The following ADAM32 variants were observed in gnomAD, a reference collection of about 807,000 sequenced individuals.
The protein encoded by ADAM32 is ADAM metallopeptidase domain 32, also known as disintegrin and metalloproteinase domain-containing protein 32.
Under a neutral mutation model 114.9 loss-of-function variants are expected in ADAM32, and 89 were observed. The observed-to-expected ratio is 0.77, with a 90% CI of 0.65 to 0.92. The LOEUF is 0.92. Ranked by LOEUF, ADAM32 falls within the 40% of genes least tolerant of loss-of-function variation. The probability of loss-of-function intolerance (pLI) is 0.00; values close to 1 mark genes in which losing one functional copy is unlikely to be tolerated. For synonymous variants in ADAM32, 285 were observed against 307.5 expected (o/e 0.93, Z 0.77); for missense variants, 870 against 932.8 (o/e 0.93, Z 0.88).
At chr8:39,178,132 C>T (rs978837323) in intron 10 of ADAM32, among the ~76,000 whole-genome samples, 1 of 152,132 alleles carries the variant, frequency 6.6e-6, no homozygotes, top group Non-Finnish European at 1.5e-5. Context: ...CTGTTCTCCC[C>T]ATCTCTTTCA....
chr8:39,201,552 A>G (rs1354059508), intron 11 of ADAM32, among the ~76,000 whole-genome samples: 3 of 152,208 alleles, frequency 2.0e-5, no homozygotes, highest in Admixed American at 6.5e-5. Flanking sequence ...TTTTCTAGAT[A>G]TACAATCACG....
At chr8:39,210,147 C>T (rs1808112534) in intron 11 of ADAM32, among the ~76,000 whole-genome samples, 1 of 152,148 alleles carries the variant, frequency 6.6e-6, no homozygotes, top group African/African-American at 2.4e-5. Context: ...TGGGCACCAG[C>T]CTGGAATCAG....
chr8:39,218,991 C>G (rs528085301), intron 12 of ADAM32, among the ~76,000 whole-genome samples: 1 of 152,042 alleles, frequency 6.6e-6, no homozygotes, highest in Non-Finnish European at 1.5e-5. Context: ...TGATCCTTCC[C>G]GGATGGGGTC....
intron 16 of ADAM32, among the ~76,000 whole-genome samples, chr8:39,244,950 A>G (rs905744693): frequency 2.6e-5 from 4 of 152,224 alleles, no homozygotes; most frequent in Non-Finnish European, 5.9e-5. Context: ...TCTTAGGTAA[A>G]GAGTTCATGA....
intron 2 of ADAM32, among the ~76,000 whole-genome samples, chr8:39,121,866 G>T (rs1350119287): frequency 2.0e-5 from 3 of 152,192 alleles, no homozygotes; most frequent in Admixed American, 6.5e-5. Flanking sequence ...GTCCAAGTGG[G>T]CCCAGCAGGG....
At chr8:39,189,438 G>T (rs1339560105) in intron 11 of ADAM32, among the ~76,000 whole-genome samples, 1 of 151,594 alleles carries the variant, frequency 6.6e-6, no homozygotes, top group Non-Finnish European at 1.5e-5. Context: ...CATTTTTTTT[G>T]GGGTAAAACT....
At chr8:39,162,002 A>T (rs1165943835) in intron 7 of ADAM32, among the ~76,000 whole-genome samples, 2 of 418 alleles carry the variant, frequency 4.8e-3, no homozygotes, top group African/African-American at 5.4e-3. Context: ...ATTTTATTTT[A>T]TATATATATA....
intron 12 of ADAM32, among the ~76,000 whole-genome samples, chr8:39,218,074 G>A (rs1808711437): frequency 6.6e-6 from 1 of 151,672 alleles, no homozygotes; most frequent in Admixed American, 6.6e-5. Context: ...TTTGCATTAG[G>A]GGTCACCCCA....
At chr8:39,166,962 G>C (rs1432548080) in intron 9 of ADAM32, 2 of 152,116 alleles carry the variant, frequency 1.3e-5, no homozygotes, top group African/African-American at 4.8e-5. Flanking sequence ...TATAGATTGT[G>C]AAGATTTTCT....
intron 4 of ADAM32, among the ~76,000 whole-genome samples, chr8:39,148,799 C>A (rs1213636115): frequency 6.6e-6 from 1 of 152,102 alleles, no homozygotes; most frequent in Non-Finnish European, 1.5e-5. Context: ...AATAAGAAAT[C>A]TTAACCTTAT....
At chr8:39,153,567 A>C (rs1803973409) in intron 6 of ADAM32, among the ~76,000 whole-genome samples, 1 of 152,182 alleles carries the variant, frequency 6.6e-6, no homozygotes, top group Admixed American at 6.5e-5. Context: ...CTTAGCCAGC[A>C]CCTCACCAGT....
intron 17 of ADAM32, among the ~76,000 whole-genome samples, chr8:39,248,505 A>G (rs1031834144): frequency 2.0e-5 from 3 of 152,196 alleles, no homozygotes; most frequent in African/African-American, 4.8e-5. Flanking sequence ...TTGCTGGTGT[A>G]TAGGAAAATT....
At position 39,141,304 on chromosome 8, in the gene ADAM32, C is replaced by T. The variant is rs533973813; in HGVS notation, c.200+4586C>T. ...GTTAGGGTGTCAATTTTAGGTCTTT[C>T]CTGCTTTCTTTTGTGGGCATTTAGT... On this transcript the variant is annotated intron_variant, in intron 3 of 24. Coordinates refer to ENST00000379907, the MANE Select transcript of ADAM32 (RefSeq NM_145004.7). Among the ~76,000 whole-genome samples the T allele has an allele frequency of 3.3e-4, 50 of 152,274 alleles. 1 individual carries two copies. The South Asian group carries it at 0.01, about 31-fold the overall frequency.
intron 10 of ADAM32, 97 bp downstream of exon 10, chr8:39,170,094 T>G: frequency 1.1e-6 from 1 of 928,464 alleles, no homozygotes; most frequent in East Asian, 2.8e-5. Flanking sequence ...CATGTTTCCA[T>G]TTACAGATTG....
At chr8:39,160,081 G>T (rs1382361712) in intron 6 of ADAM32, among the ~76,000 whole-genome samples, 1 of 152,156 alleles carries the variant, frequency 6.6e-6, no homozygotes, top group African/African-American at 2.4e-5. Context: ...GGGATTCCAA[G>T]ATCAGGAATG....
chr8:39,192,833 A>G (rs1806696093), intron 11 of ADAM32, among the ~76,000 whole-genome samples: 1 of 152,154 alleles, frequency 6.6e-6, no homozygotes. Context: ...AAGAACATTG[A>G]ATATTGGCCT....
chr8:39,179,776 A>G lies in ADAM32; in HGVS notation c.916-7133A>G, dbSNP rs531722929. The stretch of plus-strand genomic sequence containing the variant: ...TCTCCGTGGGTCAAGCCGTCTGCCT[A>G]GTCAGTCCCAGTGTAAGAACCTGGA... On this transcript the variant is annotated intron_variant, in intron 10 of 24. Transcript: ENST00000379907. Among the ~76,000 whole-genome samples, 6 of 152,252 alleles carry G rather than the reference A, an allele frequency of 3.9e-5. No individual in the cohort carries two copies. The East Asian group carries it at 1.2e-3, about 29-fold the overall frequency.
intron 2 of ADAM32, among the ~76,000 whole-genome samples, chr8:39,128,438 A>G (rs750260959): frequency 6.6e-6 from 1 of 152,166 alleles, no homozygotes; most frequent in African/African-American, 2.4e-5. Flanking sequence ...TCTCTTAAAG[A>G]CAGCATACTG....
intron 7 of ADAM32, 82 bp from the exon 8 acceptor site, chr8:39,164,682 C>A: frequency 9.3e-7 from 1 of 1,080,224 alleles, no homozygotes; most frequent in Non-Finnish European, 1.3e-6. Context: ...CAGCCTTACA[C>A]CTCTGACAGT....
Sources: gnomAD v4.1 joint callset for allele counts (sites outside exome capture counted in the v4.1 genomes callset) on GRCh38, gnomAD v4.1.1 for gene constraint, MANE v1.5 for transcripts, NCBI Gene and HGNC (gene_info 2026-07-23, HGNC 2026-07-21) for gene names.